OPTN: variants seen among roughly 807,000 people sequenced by gnomAD.
OPTN encodes the protein optineurin.
A neutral mutation model predicts 70.4 loss-of-function variants in OPTN; 54 were observed. The observed-to-expected ratio is 0.77, with a 90% CI of 0.62 to 0.96. The LOEUF is 0.96. Ranked by LOEUF, OPTN falls within the 40% of genes least tolerant of loss-of-function variation. OPTN has a pLI of 0.00. For synonymous variants in OPTN, 256 were observed against 248.5 expected, an observed-to-expected ratio of 1.03 and a Z score of -0.28; for missense variants, 624 against 673.2, an observed-to-expected ratio of 0.93 and a Z score of 0.81.
At chr10:13,125,874 G>T (rs981600603) in intron 10 of OPTN, 72 bp from the exon 11 acceptor site, 9 of 1,123,140 alleles carry the variant, frequency 8.0e-6, no homozygotes, top group Non-Finnish European at 1.1e-5. Flanking sequence ...TGTTCAGAAG[G>T]TTGGGAGGCA....
intron 1 of OPTN, among the ~76,000 whole-genome samples, chr10:13,107,632 C>T (rs1325994359): frequency 1.3e-5 from 2 of 152,022 alleles, no homozygotes; most frequent in African/African-American, 2.4e-5. Context: ...CTGCCCGCCT[C>T]AGCCTCCCAA....
intron 4 of OPTN, among the ~76,000 whole-genome samples, chr10:13,110,875 C>T (rs545356918): frequency 1.3e-5 from 2 of 152,308 alleles, no homozygotes; most frequent in African/African-American, 4.8e-5. Context: ...CTTGTCTGTT[C>T]TCTCAGTCTA....
rs775288405 is a variant in OPTN at position 13,127,786 on chromosome 10, A to G, written c.1284A>G (p.Glu428=). 1 of 1,614,232 alleles carries G rather than the reference A, an allele frequency of 6.2e-7. No homozygotes were observed. Among genetic ancestry groups the G allele is most frequent in the Non-Finnish European group, 8.5e-7 (1 of 1,180,040 alleles). ...VDRAVLKELS[E]KLELAEKALA... is the part of the protein sequence containing the mutation. ...GGGCAGTGCTGAAGGAACTGAGTGA[A>G]AAACTGGAACTGGCAGAGAAGGCTC... The change falls in exon 12 of 15, where the codon GAA becomes GAG. Residue 428 remains glutamate (E), a synonymous_variant. Transcript: ENST00000378747.
At chr10:13,101,699 T>G (rs1390556798) in intron 1 of OPTN, among the ~76,000 whole-genome samples, 1 of 152,182 alleles carries the variant, frequency 6.6e-6, no homozygotes, top group African/African-American at 2.4e-5. Context: ...ATGAGGAGCA[T>G]TAGAATCTGT....
chr10:13,127,645 C>T, intron 11 of OPTN, 100 bp from the exon 12 acceptor site: 1 of 1,326,160 alleles, frequency 7.5e-7, no homozygotes, highest in Non-Finnish European at 1.1e-6. Flanking sequence ...CCACACCCGG[C>T]CAGAGCTGAT....
At chr10:13,121,852 A>T (rs896821230) in intron 7 of OPTN, among the ~76,000 whole-genome samples, 1 of 152,166 alleles carries the variant, frequency 6.6e-6, no homozygotes, top group African/African-American at 2.4e-5. Flanking sequence ...TGGGAAAAAA[A>T]TTGCATGCAT....
chr10:13,118,022 T>C (rs773363412), intron 6 of OPTN, among the ~76,000 whole-genome samples: 1 of 152,242 alleles, frequency 6.6e-6, no homozygotes, highest in Non-Finnish European at 1.5e-5. Flanking sequence ...AAAGCCCTGG[T>C]TGAAATATCA....
At chr10:13,111,523 C>T (rs1832996763) in intron 4 of OPTN, among the ~76,000 whole-genome samples, 2 of 129,310 alleles carry the variant, frequency 1.5e-5, no homozygotes, top group Non-Finnish European at 3.5e-5. Flanking sequence ...CATGGCGAAA[C>T]CCCATCTCTA....
In OPTN at chr10:13,122,492, G is replaced by C. The variant is rs766398912; in HGVS notation, c.882+5G>C. On this transcript the variant is annotated splice_donor_5th_base_variant and intron_variant, in intron 8 of 14. Transcript: ENST00000378747. ...GAAGAGAAAGGCCCGGAGACTGTGA[G>C]TCCTAAGATTCCACGGCCACTACCA... 2.5e-6 allele frequency: 4 copies of C among 1,601,410 alleles called. No individual in the cohort carries two copies. The African/African-American group carries it at 5.4e-5, about 21-fold the overall frequency.
chr10:13,132,252 G>A, intron 13 of OPTN, 55 bp downstream of exon 13: 13 of 1,599,718 alleles, frequency 8.1e-6, no homozygotes, highest in Non-Finnish European at 1.1e-5. Context: ...CCGTAGAAGA[G>A]GTGCCTGTCC....
chr10:13,106,135 A>G (rs1039242757), intron 1 of OPTN, among the ~76,000 whole-genome samples: 1 of 152,212 alleles, frequency 6.6e-6, no homozygotes, highest in African/African-American at 2.4e-5. Flanking sequence ...AAAATATAGT[A>G]TAATCACTGA....
At position 13,109,853 on chromosome 10, in the gene OPTN, A is replaced by G. The variant is rs75150141; in HGVS notation, c.167-421A>G. ...CTGACTCAAAAAAAAAAAAAAAAAA[A>G]GGAAAAAGGAAGAAAGGCTGCTATG... is the stretch of plus-strand genomic sequence containing the variant. On this transcript the variant is annotated intron_variant, in intron 3 of 14. Transcript: ENST00000378747. 1.1e-3 allele frequency among the ~76,000 whole-genome samples: 157 copies of G among 139,324 alleles called. 3 individuals are homozygous for G. The highest frequency in any genetic ancestry group is 6.3e-3 in the East Asian group (29 of 4,632). 91.4% of individuals were successfully genotyped at this position (139,324 alleles called of 152,430 possible).
At chr10:13,133,651 C>A in intron 14 of OPTN, 70 bp downstream of exon 14, 1 of 1,367,024 alleles carries the variant, frequency 7.3e-7, no homozygotes, top group Non-Finnish European at 1.0e-6. Flanking sequence ...AAGAAAAATT[C>A]CACTTCATTC....
At chr10:13,134,039 C>T (rs1833648465) in intron 14 of OPTN, among the ~76,000 whole-genome samples, 2 of 152,278 alleles carry the variant, frequency 1.3e-5, no homozygotes, top group South Asian at 4.1e-4. Flanking sequence ...GAACTCCTGA[C>T]CTCAACTAAC....
intron 4 of OPTN, among the ~76,000 whole-genome samples, chr10:13,112,243 G>A (rs907936031): frequency 1.3e-5 from 2 of 151,076 alleles, no homozygotes; most frequent in African/African-American, 2.4e-5. Context: ...AACTAATGGG[G>A]ACTACAGGTG....
intron 5 of OPTN, among the ~76,000 whole-genome samples, chr10:13,115,414 T>C (rs1833157006): frequency 1.6e-5 from 1 of 63,802 alleles, no homozygotes. Context: ...GTATTTATAT[T>C]ATAGAATATA....
At chr10:13,111,349 G>A (rs1408579787) in intron 4 of OPTN, among the ~76,000 whole-genome samples, 3 of 152,030 alleles carry the variant, frequency 2.0e-5, no homozygotes, top group Admixed American at 2.0e-4. Context: ...TTTAAATTTT[G>A]ATTATTTGAA....
intron 10 of OPTN, 124 bp from the exon 11 acceptor site, chr10:13,125,822 C>T (rs1186322052): frequency 1.1e-5 from 9 of 804,144 alleles, no homozygotes; most frequent in Admixed American, 2.3e-5. Context: ...GCTAGTAGGT[C>T]GTGGGGTGAT....
intron 1 of OPTN, among the ~76,000 whole-genome samples, chr10:13,102,617 G>A (rs940963997): frequency 6.6e-6 from 1 of 152,218 alleles, no homozygotes; most frequent in Non-Finnish European, 1.5e-5. Context: ...AACTAAGCCT[G>A]TGGGGATGGA....
Sources: allele counts gnomAD v4.1 joint callset (sites outside exome capture counted in the v4.1 genomes callset), GRCh38; gene constraint gnomAD v4.1.1; transcripts MANE v1.5; gene names NCBI Gene and HGNC (gene_info 2026-07-23, HGNC 2026-07-21).